Variants in FRMD4A observed in about 807,000 individuals in gnomAD.
FRMD4A encodes the protein FERM domain containing 4A, also known as FERM domain-containing protein 4A.
A neutral mutation model predicts 129.1 loss-of-function variants in FRMD4A; 29 were observed. The ratio of observed to expected loss-of-function variants is 0.22; its 90% CI spans 0.17 to 0.31. The LOEUF (loss-of-function observed/expected upper bound fraction) is 0.31. FRMD4A is among the 10% of genes least tolerant of loss of function. The pLI is 1.00. For synonymous variants in FRMD4A, 634 were observed against 571.6 expected (o/e 1.11, Z -1.56); for missense variants, 1,272 against 1,375.8 (o/e 0.92, Z 1.19).
intron 5 of FRMD4A, among the ~76,000 whole-genome samples, chr10:13,785,634 T>C (rs1032828521): frequency 6.6e-6 from 1 of 152,222 alleles, no homozygotes; most frequent in African/African-American, 2.4e-5. Context: ...TATTATTTTT[T>C]ATTACACTTT....
intron 4 of FRMD4A, among the ~76,000 whole-genome samples, chr10:13,803,273 C>A (rs954228105): frequency 3.3e-5 from 5 of 152,138 alleles, no homozygotes; most frequent in Non-Finnish European, 5.9e-5. Flanking sequence ...GCTCTCCAGC[C>A]CAGGATAAAT....
chr10:13,657,224 CCCGCTG>C lies in FRMD4A; in HGVS notation c.2359_2364del (p.Gln787_Arg788del), dbSNP rs752540404. ...CTGGCTGAGCCCAGTGCGCCCGCCG[CCCGCTG>C]CCGCTGCCTCTGCCTCTGGCGCGCC... On this transcript the variant is annotated inframe_deletion, in exon 22 of 25. Coordinates refer to ENST00000357447, the MANE Select transcript of FRMD4A (RefSeq NM_018027.5). 34 of 1,565,658 alleles carry C rather than the reference CCCGCTG, an allele frequency of 2.2e-5. No homozygotes were observed. The highest frequency in any genetic ancestry group is 1.9e-4 in the Middle Eastern group (1 of 5,380).
chr10:14,263,433 GT>G (rs1170481961), intron 2 of FRMD4A, among the ~76,000 whole-genome samples: 2 of 152,160 alleles, frequency 1.3e-5, no homozygotes, highest in South Asian at 2.1e-4. Flanking sequence ...TTAGGGAACT[GT>G]TTTTTTAATT....
chr10:14,197,735 A>T (rs554076635), intron 2 of FRMD4A, among the ~76,000 whole-genome samples: 3 of 152,368 alleles, frequency 2.0e-5, no homozygotes, highest in Admixed American at 2.0e-4. Flanking sequence ...CATGTTCTAC[A>T]TGCAAGCATA....
At chr10:13,956,768 G>A (rs1361964361) in intron 2 of FRMD4A, among the ~76,000 whole-genome samples, 1 of 152,186 alleles carries the variant, frequency 6.6e-6, no homozygotes. Context: ...CAAATGAATC[G>A]ACTTGAATTT....
intron 2 of FRMD4A, among the ~76,000 whole-genome samples, chr10:14,240,825 T>C (rs1218402): frequency 0.087 from 13,164 of 151,962 alleles, 579 homozygotes; most frequent in African/African-American, 0.093. Flanking sequence ...CAAACTATGG[T>C]GTGTGGTATA....
intron 13 of FRMD4A, among the ~76,000 whole-genome samples, chr10:13,703,111 C>T (rs951654410): frequency 7.2e-5 from 11 of 151,786 alleles, no homozygotes; most frequent in Non-Finnish European, 5.9e-5. Flanking sequence ...TTTTTTCCCC[C>T]CAGAAAAGCT....
chr10:13,701,033 C>G (rs2086784385), intron 14 of FRMD4A, among the ~76,000 whole-genome samples: 1 of 152,068 alleles, frequency 6.6e-6, no homozygotes, highest in South Asian at 2.1e-4. Context: ...CTTCACGCTG[C>G]TAGAGGATTC....
intron 2 of FRMD4A, among the ~76,000 whole-genome samples, chr10:13,863,153 T>G (rs574425751): frequency 2.0e-5 from 3 of 152,222 alleles, no homozygotes; most frequent in Non-Finnish European, 4.4e-5. Flanking sequence ...TACGAAAAAG[T>G]GTTCTTTTGA....
intron 2 of FRMD4A, among the ~76,000 whole-genome samples, chr10:14,159,296 C>T (rs757004046): frequency 5.9e-5 from 9 of 152,166 alleles, no homozygotes; most frequent in Non-Finnish European, 1.2e-4. Context: ...CTAATAGCTA[C>T]ATTCAACAGC....
At chr10:13,686,975 T>C (rs1364826416) in intron 15 of FRMD4A, among the ~76,000 whole-genome samples, 2 of 152,104 alleles carry the variant, frequency 1.3e-5, no homozygotes, top group African/African-American at 4.8e-5. Flanking sequence ...CTCTCCTAAC[T>C]CCCATTGAAA....
intron 2 of FRMD4A, among the ~76,000 whole-genome samples, chr10:14,219,538 A>C (rs1843180430): frequency 6.6e-6 from 1 of 152,176 alleles, no homozygotes. Context: ...GTCATGGTAC[A>C]AGGTGGAAGC....
chr10:13,883,846 T>C (rs7090052), intron 2 of FRMD4A, among the ~76,000 whole-genome samples: 53,515 of 152,010 alleles, frequency 0.35, 9,630 homozygotes, highest in Non-Finnish European at 0.38. Flanking sequence ...TGGATGCAGA[T>C]ATAATGTTCT....
chr10:13,667,784 T>G (rs954157753), intron 17 of FRMD4A: 1 of 152,248 alleles, frequency 6.6e-6, no homozygotes, highest in African/African-American at 2.4e-5. Flanking sequence ...TCCTGCAAGG[T>G]GGGCATATTT....
At chr10:14,281,459 T>C (rs1845518967) in intron 2 of FRMD4A, among the ~76,000 whole-genome samples, 1 of 152,242 alleles carries the variant, frequency 6.6e-6, no homozygotes, top group Non-Finnish European at 1.5e-5. Context: ...GCTGATAACA[T>C]TGATCTCAGA....
At chr10:13,720,254 G>A (rs920373147) in intron 12 of FRMD4A, among the ~76,000 whole-genome samples, 1 of 152,146 alleles carries the variant, frequency 6.6e-6, no homozygotes, top group African/African-American at 2.4e-5. Flanking sequence ...TCACTATGTT[G>A]GCCAGACTGG....
chr10:14,160,195 G>A (rs1203517233), intron 2 of FRMD4A, among the ~76,000 whole-genome samples: 4 of 152,116 alleles, frequency 2.6e-5, no homozygotes, highest in Non-Finnish European at 4.4e-5. Flanking sequence ...TGAAAAAGGT[G>A]CCAAGAACAT....
intron 8 of FRMD4A, among the ~76,000 whole-genome samples, chr10:13,751,478 C>T (rs371777917): frequency 1.5e-4 from 23 of 152,128 alleles, no homozygotes; most frequent in African/African-American, 3.4e-4. Flanking sequence ...GGTGTCTAGC[C>T]CTGTCAATCT....
intron 3 of FRMD4A, among the ~76,000 whole-genome samples, chr10:13,844,932 G>T (rs1032049957): frequency 4.6e-5 from 7 of 152,204 alleles, no homozygotes; most frequent in Non-Finnish European, 1.0e-4. Flanking sequence ...TTTCGTGTAT[G>T]AGTAATGGGC....
Sources: allele counts gnomAD v4.1 joint callset (sites outside exome capture counted in the v4.1 genomes callset), GRCh38; gene constraint gnomAD v4.1.1; transcripts MANE v1.5; gene names NCBI Gene and HGNC (gene_info 2026-07-23, HGNC 2026-07-21).